ATP11C: variants seen among roughly 807,000 people sequenced by gnomAD.
The protein encoded by ATP11C is ATPase phospholipid transporting 11C (ATP11C blood group), also known as phospholipid-transporting ATPase IG.
A neutral mutation model predicts 97.4 loss-of-function variants in ATP11C; 36 were observed. The ratio of observed to expected loss-of-function variants is 0.37; its 90% CI spans 0.28 to 0.49. The LOEUF (loss-of-function observed/expected upper bound fraction) is 0.49, where lower values mean the gene tolerates loss of function less well. Among genes scored for constraint, ATP11C ranks in the 20% least tolerant of loss-of-function variants. The probability of loss-of-function intolerance (pLI) is 0.98; values close to 1 mark genes in which losing one functional copy is unlikely to be tolerated. For missense variants in ATP11C, 730 were observed against 824.6 expected, an observed-to-expected ratio of 0.89 and a Z score of 1.40; for synonymous variants, 275 against 290.9, an observed-to-expected ratio of 0.95 and a Z score of 0.56.
At chrX:139,798,021 C>T (rs1258729086) in intron 10 of ATP11C, among the ~76,000 whole-genome samples, 1 of 111,809 alleles carries the variant, frequency 8.9e-6, no homozygotes, top group East Asian at 2.8e-4. Flanking sequence ...AAGTCACATA[C>T]CATCTCCAAG....
intron 1 of ATP11C, among the ~76,000 whole-genome samples, chrX:139,868,347 G>A (rs950984792): frequency 2.7e-5 from 3 of 111,078 alleles, no homozygotes; most frequent in Non-Finnish European, 3.8e-5. Flanking sequence ...TCAACAGAAC[G>A]AATAGGCAAC....
chrX:139,790,464 TCACACACACACACA>T (rs56853640), intron 12 of ATP11C, among the ~76,000 whole-genome samples: 6 of 99,215 alleles, frequency 6.0e-5, no homozygotes, highest in Admixed American at 3.3e-4. Context: ...TCTCTCTCAC[TCACACACACACACA>T]CACACACACA....
At chrX:139,755,657 C>T (rs931232653) in intron 23 of ATP11C, among the ~76,000 whole-genome samples, 1 of 110,803 alleles carries the variant, frequency 9.0e-6, no homozygotes, top group Admixed American at 9.6e-5. Flanking sequence ...AATAGAGAGC[C>T]CGGAAAAAAG....
chrX:139,906,305 T>C (rs2084974301), intron 1 of ATP11C, among the ~76,000 whole-genome samples: 1 of 107,664 alleles, frequency 9.3e-6, no homozygotes, highest in African/African-American at 3.4e-5. Flanking sequence ...TAGTCCTAGC[T>C]ACTTGGGAGG....
chrX:139,779,642 T>C (rs1368421454), intron 18 of ATP11C, among the ~76,000 whole-genome samples: 1 of 109,943 alleles, frequency 9.1e-6, no homozygotes, highest in Non-Finnish European at 1.9e-5. Flanking sequence ...GGCAGAAAAA[T>C]CTCAAATGAA....
At chrX:139,755,177 C>T (rs1024428783) in intron 23 of ATP11C, among the ~76,000 whole-genome samples, 2 of 111,636 alleles carry the variant, frequency 1.8e-5, no homozygotes, top group Non-Finnish European at 3.8e-5. Context: ...AGTAGCAATC[C>T]TATACACCAA....
intron 12 of ATP11C, among the ~76,000 whole-genome samples, chrX:139,791,058 T>C (rs1328965835): frequency 9.0e-6 from 1 of 111,670 alleles, no homozygotes; most frequent in Non-Finnish European, 1.9e-5. Context: ...AGGTTTTTAT[T>C]ATGTAAGGGA....
chrX:139,827,978 T>C lies in ATP11C; in HGVS notation c.28-1155A>G, dbSNP rs769048467. On this transcript the variant is annotated intron_variant, in intron 1 of 29. Transcript: ENST00000682941. ...TCACCCCCCAAGTACAGATAAAACC[T>C]CTTTGCCTTGCGTTTTCATTTAAGC... is the stretch of plus-strand genomic sequence containing the variant. Among the ~76,000 whole-genome samples the C allele has an allele frequency of 3.6e-5, 4 of 111,889 alleles. No individual in the cohort carries two copies. The South Asian group carries it at 1.5e-3, about 42-fold the overall frequency.
intron 5 of ATP11C, among the ~76,000 whole-genome samples, chrX:139,808,910 C>T (rs182656978): frequency 1.3e-3 from 148 of 111,400 alleles, no homozygotes; most frequent in Non-Finnish European, 2.2e-3. Context: ...GTCAGGGGTT[C>T]GAGACCAGTC....
chrX:139,878,897 A>C (rs1430875216), intron 1 of ATP11C, among the ~76,000 whole-genome samples: 1 of 109,865 alleles, frequency 9.1e-6, no homozygotes. Flanking sequence ...GGGAGGGGGA[A>C]TCATAGAAAG....
At chrX:139,833,329 G>A (rs1190334321) in intron 1 of ATP11C, among the ~76,000 whole-genome samples, 2 of 111,866 alleles carry the variant, frequency 1.8e-5, no homozygotes, top group Non-Finnish European at 3.8e-5. Context: ...AACAAAAGAG[G>A]TAGATAAAAA....
intron 1 of ATP11C, among the ~76,000 whole-genome samples, chrX:139,921,352 G>A (rs774570418): frequency 9.0e-6 from 1 of 111,027 alleles, no homozygotes; most frequent in Admixed American, 9.6e-5. Context: ...GAGATCTGAC[G>A]GTTTCATAAG....
chrX:139,809,614 CA>C (rs2083124256), intron 5 of ATP11C, among the ~76,000 whole-genome samples: 1 of 112,222 alleles, frequency 8.9e-6, no homozygotes, highest in Non-Finnish European at 1.9e-5. Context: ...GGTTGTACAA[CA>C]TTGTGAATGT....
chrX:139,907,705 G>A (rs932206461), intron 1 of ATP11C, among the ~76,000 whole-genome samples: 9 of 108,655 alleles, frequency 8.3e-5, no homozygotes, highest in South Asian at 4.1e-4. Context: ...CCGAGATTGC[G>A]CCACTGCACT....
intron 4 of ATP11C, among the ~76,000 whole-genome samples, 170 bp downstream of exon 4, chrX:139,816,693 A>T (rs1033150530): frequency 8.9e-6 from 1 of 112,468 alleles, no homozygotes; most frequent in African/African-American, 3.2e-5. Context: ...ACAAGGAAAT[A>T]CATTAAGGAT....
Position 139,802,351 on chromosome X carries a change from C to T in ATP11C, c.556-12G>A. 2 of 1,136,124 alleles carry T rather than the reference C, an allele frequency of 1.8e-6. No individual in the cohort carries two copies. The highest frequency in any genetic ancestry group is 2.4e-6 in the Non-Finnish European group (2 of 834,359). The allele number at this position is 1,136,124 out of a possible 1,213,427, so 93.6% of individuals were successfully genotyped here. A position where few individuals can be genotyped will look rare whatever the true frequency, so the allele number is the denominator to read the frequency against. On this transcript the variant is annotated splice_polypyrimidine_tract_variant and intron_variant, in intron 6 of 29. Coordinates refer to ENST00000682941, the MANE Select transcript of ATP11C (RefSeq NM_001353812.2). ...ACTGCATAATGTGTCTAGTTGAAAGCAGAAGAAAAAGTGAAAACCAAAAAA... is the reference window on the plus strand; with the variant it reads ...ACTGCATAATGTGTCTAGTTGAAAGTAGAAGAAAAAGTGAAAACCAAAAAA...
rs2085416287 is a variant in ATP11C at position 139,930,493 on chromosome X, T to C, written c.27+1523A>G. Among the ~76,000 whole-genome samples, 2 of 111,723 alleles carry C rather than the reference T, an allele frequency of 1.8e-5. 1 individual carries two copies. Among genetic ancestry groups the C allele is most frequent in the Non-Finnish European group, 3.8e-5 (2 of 53,204 alleles). Reference sequence around the variant, plus strand: ...TTTTCCTAAATACAATTAGCTTTCATTGCCACCTTTCCCTTTTTGTCACCC... The same window carrying C: ...TTTTCCTAAATACAATTAGCTTTCACTGCCACCTTTCCCTTTTTGTCACCC... On this transcript the variant is annotated intron_variant, in intron 1 of 29. Transcript: ENST00000682941.
At chrX:139,874,081 C>CA (rs2084424817) in intron 1 of ATP11C, among the ~76,000 whole-genome samples, 3 of 105,835 alleles carry the variant, frequency 2.8e-5, no homozygotes, top group African/African-American at 1.1e-4. Context: ...CTCGCTCTGT[C>CA]ACCCAGGCTG....
chrX:139,932,029 C>G lies in ATP11C; in HGVS notation c.14G>C (p.Ser5Thr), dbSNP rs756102804. Reference protein sequence around the residue: MFRRSLNRFCAGEEK... With the variant: MFRRTLNRFCAGEEK... ...GAGTGTACTTACAAAACGATTCAAG[C>G]TCCGGCGGAACATCGCGTCGAAGGC... Residue 5 changes from serine (S) to threonine (T), a missense_variant, in exon 1 of 30, where the codon AGC becomes ACC. Transcript: ENST00000682941. The G allele has an allele frequency of 2.6e-6, 3 of 1,165,461 alleles. No individual in the cohort carries two copies. In the Admixed American group the frequency reaches 7.6e-5, roughly 29 times the overall value.
Sources: gnomAD v4.1 joint callset for allele counts (sites outside exome capture counted in the v4.1 genomes callset) on GRCh38, gnomAD v4.1.1 for gene constraint, MANE v1.5 for transcripts, NCBI Gene and HGNC (gene_info 2026-07-23, HGNC 2026-07-21) for gene names.